The following PRKD1 variants were observed in gnomAD, a reference collection of about 807,000 sequenced individuals.
PRKD1 encodes serine/threonine-protein kinase D1.
A neutral mutation model predicts 95.9 loss-of-function variants in PRKD1; 63 were observed. The ratio of observed to expected loss-of-function variants is 0.66; its 90% CI spans 0.54 to 0.81. The LOEUF is 0.81. Ranked by LOEUF, PRKD1 falls within the 30% of genes least tolerant of loss-of-function variation. PRKD1 has a pLI of 0.00. For missense variants in PRKD1, 1,048 were observed against 1,165.3 expected, an observed-to-expected ratio of 0.90 and a Z score of 1.47; for synonymous variants, 425 against 423.1, an observed-to-expected ratio of 1.00 and a Z score of -0.05.
At chr14:29,916,316 T>C (rs1894885766) in intron 1 of PRKD1, among the ~76,000 whole-genome samples, 1 of 152,214 alleles carries the variant, frequency 6.6e-6, no homozygotes, top group Admixed American at 6.5e-5. Context: ...CTGTTATTCC[T>C]GAGTGATCTA....
chr14:29,733,614 T>G (rs1193550720), intron 1 of PRKD1, among the ~76,000 whole-genome samples: 1 of 152,144 alleles, frequency 6.6e-6, no homozygotes, highest in Non-Finnish European at 1.5e-5. Context: ...TTCACAAGGC[T>G]GCAGGAAGGA....
intron 9 of PRKD1, among the ~76,000 whole-genome samples, chr14:29,632,284 C>G (rs1880057693): frequency 7.2e-5 from 11 of 151,910 alleles, no homozygotes; most frequent in Admixed American, 7.2e-4. Flanking sequence ...ATCAACTATT[C>G]CAGAGTCTGC....
At chr14:29,600,930 T>A (rs1290861378) in intron 13 of PRKD1, among the ~76,000 whole-genome samples, 1 of 151,886 alleles carries the variant, frequency 6.6e-6, no homozygotes, top group East Asian at 1.9e-4. Context: ...TAAAAAAAAA[T>A]TATATATTCC....
chr14:29,582,851 G>A (rs1892795570), intron 16 of PRKD1, among the ~76,000 whole-genome samples: 1 of 152,168 alleles, frequency 6.6e-6, no homozygotes. Flanking sequence ...GGAACTGCAG[G>A]AGAGTAGTGG....
intron 2 of PRKD1, among the ~76,000 whole-genome samples, chr14:29,722,606 G>A (rs914732267): frequency 2.0e-5 from 3 of 152,110 alleles, no homozygotes; most frequent in Admixed American, 1.3e-4. Flanking sequence ...CATATTTATT[G>A]AGAACCTCAT....
intron 2 of PRKD1, 121 bp downstream of exon 2, chr14:29,725,415 A>G (rs528603890): frequency 8.1e-7 from 1 of 1,240,610 alleles, no homozygotes. Context: ...GAGCTCCAAC[A>G]TCTTCTCTTG....
At chr14:29,920,148 G>A (rs936230709) in intron 1 of PRKD1, among the ~76,000 whole-genome samples, 4 of 151,846 alleles carry the variant, frequency 2.6e-5, no homozygotes, top group South Asian at 2.1e-4. Flanking sequence ...GAAAAGAAAA[G>A]GAAGGAAGGA....
At chr14:29,623,401 T>A (rs1234364082) in intron 13 of PRKD1, among the ~76,000 whole-genome samples, 6 of 152,040 alleles carry the variant, frequency 3.9e-5, no homozygotes, top group South Asian at 4.1e-4. Flanking sequence ...CGAAAAAAAA[T>A]TGTCCGTTAA....
At chr14:29,731,160 A>G (rs1886415587) in intron 1 of PRKD1, among the ~76,000 whole-genome samples, 1 of 152,160 alleles carries the variant, frequency 6.6e-6, no homozygotes. Context: ...TTAATTTTAA[A>G]TATATGTAGT....
At chr14:29,840,373 T>C (rs145166767) in intron 1 of PRKD1, among the ~76,000 whole-genome samples, 1 of 152,176 alleles carries the variant, frequency 6.6e-6, no homozygotes, top group Non-Finnish European at 1.5e-5. Context: ...GATTTCATTG[T>C]CCATATCATT....
chr14:29,710,652 A>G (rs906120082), intron 2 of PRKD1, among the ~76,000 whole-genome samples: 3 of 152,124 alleles, frequency 2.0e-5, no homozygotes, highest in African/African-American at 7.2e-5. Flanking sequence ...CAGAAACAGG[A>G]CATTAATGAA....
rs45485095 is a variant in PRKD1 at position 29,716,563 on chromosome 14, C to A, written c.403+8973G>T. Reference sequence around the variant, plus strand: ...TAGAAAGGCCAGAGCCCAAGGCCATCTCCAGGGCCACCTCTTAGGAGCTGT... The same window carrying A: ...TAGAAAGGCCAGAGCCCAAGGCCATATCCAGGGCCACCTCTTAGGAGCTGT... On this transcript the variant is annotated intron_variant, in intron 2 of 17. Coordinates refer to ENST00000331968, the MANE Select transcript of PRKD1 (RefSeq NM_002742.3). Among the ~76,000 whole-genome samples the A allele has an allele frequency of 4.6e-3, 700 of 152,288 alleles. 12 individuals carry two copies. The highest frequency in any genetic ancestry group is 0.016 in the African/African-American group (652 of 41,576).
intron 1 of PRKD1, among the ~76,000 whole-genome samples, chr14:29,886,817 T>C (rs1314281307): frequency 1.3e-5 from 2 of 152,256 alleles, no homozygotes; most frequent in Non-Finnish European, 2.9e-5. Flanking sequence ...ACAATTATTT[T>C]GTTAATTCTA....
chr14:29,609,329 G>T (rs1238054621), intron 13 of PRKD1, among the ~76,000 whole-genome samples: 1 of 151,992 alleles, frequency 6.6e-6, no homozygotes, highest in Non-Finnish European at 1.5e-5. Flanking sequence ...ACCTTGAGGT[G>T]GCTAGCTTAT....
chr14:29,752,842 T>C (rs945703328), intron 1 of PRKD1, among the ~76,000 whole-genome samples: 7 of 152,102 alleles, frequency 4.6e-5, no homozygotes, highest in Admixed American at 1.3e-4. Context: ...TTTCCTGTTT[T>C]TTCATAACCT....
intron 1 of PRKD1, among the ~76,000 whole-genome samples, chr14:29,776,340 C>A (rs549115147): frequency 1.1e-3 from 160 of 152,250 alleles, no homozygotes; most frequent in Non-Finnish European, 1.9e-3. Flanking sequence ...GACGATCAAA[C>A]TTCTCCGAGC....
Position 29,651,073 on chromosome 14 carries a change from G to A in PRKD1, c.697-12169C>T, listed in dbSNP as rs2208715. ...TAATACTCAATGTCAAACATGTAGC[G>A]CTGTGTGTGTCTGTGTGTACACGCT... On this transcript the variant is annotated intron_variant, in intron 4 of 17. Coordinates refer to ENST00000331968, the MANE Select transcript of PRKD1 (RefSeq NM_002742.3). Among the ~76,000 whole-genome samples the A allele has an allele frequency of 8.6e-3, 1,313 of 152,206 alleles. 24 individuals are homozygous for A. Among genetic ancestry groups the A allele is most frequent in the African/African-American group, 0.03 (1,225 of 41,520 alleles).
At chr14:29,923,245 AAC>A (rs1491158186) in intron 1 of PRKD1, among the ~76,000 whole-genome samples, 1 of 147,310 alleles carries the variant, frequency 6.8e-6, no homozygotes, top group Non-Finnish European at 1.5e-5. Flanking sequence ...AAAAAAAAAA[AAC>A]ACACAGTAAA....
chr14:29,731,016 CA>C (rs992044120), intron 1 of PRKD1, among the ~76,000 whole-genome samples: 5 of 150,914 alleles, frequency 3.3e-5, no homozygotes, highest in African/African-American at 7.3e-5. Flanking sequence ...GTACTTACCA[CA>C]AAAAAAAGGT....
Sources: allele counts gnomAD v4.1 joint callset (sites outside exome capture counted in the v4.1 genomes callset), GRCh38; gene constraint gnomAD v4.1.1; transcripts MANE v1.5; gene names NCBI Gene and HGNC (gene_info 2026-07-23, HGNC 2026-07-21).